SRCIN1: variants seen among roughly 807,000 people sequenced by gnomAD.
The protein encoded by SRCIN1 is P130Cas-associated protein.
Under a neutral mutation model 116.2 loss-of-function variants are expected in SRCIN1, and 50 were observed. That is an observed-to-expected ratio of 0.43 (90% CI 0.34 to 0.54). The LOEUF (loss-of-function observed/expected upper bound fraction) is 0.54. Among genes scored for constraint, SRCIN1 ranks in the 20% least tolerant of loss-of-function variants. SRCIN1 has a pLI of 0.02. For synonymous variants in SRCIN1, 736 were observed against 750.0 expected, an observed-to-expected ratio of 0.98 and a Z score of 0.30; for missense variants, 1,446 against 1,672.0, an observed-to-expected ratio of 0.86 and a Z score of 2.36.
chr17:38,552,980 C>T lies in SRCIN1; in HGVS notation c.2202-125G>A. On this transcript the variant is annotated intron_variant, in intron 11 of 18. Coordinates refer to ENST00000617146, the MANE Select transcript of SRCIN1 (RefSeq NM_025248.3). The surrounding 1 kb of genome is among the most constrained non-coding windows in gnomAD (Gnocchi z 5.3). ...TCGAAAGTAAAAGCAGGAGGCTGGG[C>T]ACCGTGGCTCACGCCCGTAATCTCA... 1.4e-6 allele frequency: 2 copies of T among 1,421,288 alleles called. No individual in the cohort carries two copies. The highest frequency in any genetic ancestry group is 2.8e-5 in the South Asian group (2 of 72,296). The allele number at this position is 1,421,288 out of a possible 1,614,324, so 88.0% of individuals were successfully genotyped here.
chr17:38,580,361 C>T lies in SRCIN1; in HGVS notation c.23-1570G>A, dbSNP rs957693554. 3.9e-5 allele frequency among the ~76,000 whole-genome samples: 6 copies of T among 152,198 alleles called. No homozygotes were observed. In the South Asian group the frequency reaches 6.2e-4, roughly 16 times the overall value. On this transcript the variant is annotated intron_variant, in intron 1 of 18. Coordinates refer to ENST00000617146, the MANE Select transcript of SRCIN1 (RefSeq NM_025248.3). The stretch of plus-strand genomic sequence containing the variant: ...GTGTCCATTAGGGGCACAGAGCCTG[C>T]GAGGACCCAGCACCTCCCACCGAAC...
rs1905963681 is a variant in SRCIN1 at position 38,558,445 on chromosome 17, A to G, written c.2026-43T>C. The G allele has an allele frequency of 1.3e-6, 2 of 1,544,488 alleles. No homozygotes were observed. Among genetic ancestry groups the G allele is most frequent in the Non-Finnish European group, 1.7e-6 (2 of 1,153,030 alleles). On this transcript the variant is annotated intron_variant, in intron 10 of 18. Transcript: ENST00000617146. This position sits in a 1 kb window ranked among gnomAD's most constrained non-coding sequence, Gnocchi z 4.6. ...GGATGGACCCGGGTGGGGGGAGCGG[A>G]GCCGCGAGGCAGGGGAAGGGCCGGG...
intron 1 of SRCIN1, among the ~76,000 whole-genome samples, chr17:38,590,469 C>T (rs1908381668): frequency 6.6e-6 from 1 of 152,240 alleles, no homozygotes; most frequent in South Asian, 2.1e-4. Flanking sequence ...CTCCTGACCT[C>T]AGGTGATCTG....
rs140943105 is a variant in SRCIN1 at position 38,575,099 on chromosome 17, T to C, written c.324+3391A>G. 711 of 398,182 alleles carry C rather than the reference T, an allele frequency of 1.8e-3. 5 individuals are homozygous for C. The highest frequency in any genetic ancestry group is 0.014 in the African/African-American group (676 of 48,720). The allele number at this position is 398,182 out of a possible 1,614,324, so 24.7% of individuals were successfully genotyped here. On this transcript the variant is annotated intron_variant, in intron 2 of 18. Transcript: ENST00000617146. ...GCACAGAGCTCATACTGCAGAGGGG[T>C]CTAGCGATGCTGGCAAGTCCCTTAT...
chr17:38,600,362 G>A (rs1052164451), intron 1 of SRCIN1, among the ~76,000 whole-genome samples: 4 of 152,220 alleles, frequency 2.6e-5, no homozygotes, highest in East Asian at 1.9e-4. Flanking sequence ...TTGGAGGTAC[G>A]GGCAGGACTA....
intron 1 of SRCIN1, among the ~76,000 whole-genome samples, chr17:38,583,385 A>G (rs924451386): frequency 5.3e-5 from 8 of 151,954 alleles, no homozygotes; most frequent in African/African-American, 1.9e-4. Flanking sequence ...AGCCTCATTA[A>G]TTTACTTACT....
chr17:38,559,692 C>G lies in SRCIN1; in HGVS notation c.1918G>C (p.Gly640Arg). 3 of 1,593,836 alleles carry G rather than the reference C, an allele frequency of 1.9e-6. No homozygotes were observed. Among genetic ancestry groups the G allele is most frequent in the Non-Finnish European group, 1.7e-6 (2 of 1,176,062 alleles). Residue 640 changes from glycine to arginine, a missense_variant, in exon 10 of 19, where the codon GGT becomes CGT. Physicochemically the swap from Gly to Arg is moderately radical, Grantham distance 125. Coordinates refer to ENST00000617146, the MANE Select transcript of SRCIN1 (RefSeq NM_025248.3). ...PPPSASSTPA[G>R]QPTAVSRLQM... is the part of the protein sequence containing the mutation. The stretch of plus-strand genomic sequence containing the variant: ...AGCCGGCTAACGGCGGTAGGCTGAC[C>G]TGCGGGGGTGCTGCTGGCCGAGGGC...
chr17:38,566,391 C>G (rs1404694367), intron 3 of SRCIN1, among the ~76,000 whole-genome samples: 2 of 152,214 alleles, frequency 1.3e-5, no homozygotes, highest in African/African-American at 4.8e-5. Flanking sequence ...TGGCACTTCT[C>G]TCCATGCTTG....
At chr17:38,584,935 G>T (rs919660263) in intron 1 of SRCIN1, among the ~76,000 whole-genome samples, 1 of 152,158 alleles carries the variant, frequency 6.6e-6, no homozygotes, top group Admixed American at 6.5e-5. Context: ...AGGGAGAAGA[G>T]AACTCTCTGG....
At position 38,562,321 on chromosome 17, in the gene SRCIN1, ATC is replaced by A. The variant is rs1248100996; in HGVS notation, c.840_841del (p.Glu280AspfsTer118). ...CGAGGACTCCCGCGATGCGTACACC[ATC>A]TCTCTCTGCGCAGAAGACAGCCCGG... is the stretch of plus-strand genomic sequence containing the variant. On this transcript the variant is annotated frameshift_variant, in exon 7 of 19. Transcript: ENST00000617146. LOFTEE classifies it high-confidence loss of function. This position sits in a 1 kb window ranked among gnomAD's most constrained non-coding sequence, Gnocchi z 4.2. The A allele has an allele frequency of 3.4e-6, 5 of 1,470,904 alleles. No homozygotes were observed. The highest frequency in any genetic ancestry group is 1.8e-6 in the Non-Finnish European group (2 of 1,120,044). The allele number at this position is 1,470,904 out of a possible 1,614,324, so 91.1% of individuals were successfully genotyped here.
At chr17:38,549,307 A>T in intron 15 of SRCIN1, 97 bp from the exon 16 acceptor site, 2 of 1,225,518 alleles carry the variant, frequency 1.6e-6, no homozygotes, top group Non-Finnish European at 2.2e-6. Flanking sequence ...TTCTTCCTCC[A>T]GGGAGGACCA....
Position 38,563,209 on chromosome 17 carries a change from G to C in SRCIN1, c.740+114C>G. On this transcript the variant is annotated intron_variant, in intron 5 of 18. Coordinates refer to ENST00000617146, the MANE Select transcript of SRCIN1 (RefSeq NM_025248.3). This position sits in a 1 kb window ranked among gnomAD's most constrained non-coding sequence, Gnocchi z 5.8. ...GGGCGGTAGGGCTCTGGGAGGGGAG[G>C]GGAAAGGCTGAGGTCGGGTCAGGAA... The C allele has an allele frequency of 1.6e-6, 2 of 1,228,592 alleles. No homozygotes were observed. Among genetic ancestry groups the C allele is most frequent in the Non-Finnish European group, 2.3e-6 (2 of 881,848 alleles). 76.1% of individuals were successfully genotyped at this position (1,228,592 alleles called of 1,614,324 possible).
At chr17:38,606,713 C>G (rs1357144950), upstream of SRCIN1, among the ~76,000 whole-genome samples, 1 of 152,194 alleles carries the variant, frequency 6.6e-6, no homozygotes, top group Non-Finnish European at 1.5e-5. The surrounding 1 kb of genome is among the most constrained non-coding windows in gnomAD (Gnocchi z 5.2). Flanking sequence ...TAGCTCGGCT[C>G]CACCCTGCCG....
At chr17:38,600,309 G>A (rs1458878819) in intron 1 of SRCIN1, among the ~76,000 whole-genome samples, 1 of 152,226 alleles carries the variant, frequency 6.6e-6, no homozygotes, top group Non-Finnish European at 1.5e-5. Flanking sequence ...CAAGGCATGC[G>A]AAGAGGCTCT....
chr17:38,543,095 T>A (rs1421623228), intron 18 of SRCIN1: 1 of 456,562 alleles, frequency 2.2e-6, no homozygotes, highest in East Asian at 7.0e-5. Flanking sequence ...ACAGGTGAGG[T>A]ATGTCCACTC....
At chr17:38,534,434 C>T (rs1452050375) in intron 18 of SRCIN1, among the ~76,000 whole-genome samples, 1 of 152,194 alleles carries the variant, frequency 6.6e-6, no homozygotes, top group Non-Finnish European at 1.5e-5. Flanking sequence ...GCTACACAGA[C>T]CCAGGTTTCT....
Position 38,588,181 on chromosome 17 carries a change from G to A in SRCIN1, c.23-9390C>T, listed in dbSNP as rs118125599. ...GAGTCAGTTTCTTCTGATCTACCCC[G>A]GAGCCCGATTTCCTTCCACCCACTG... On this transcript the variant is annotated intron_variant, in intron 1 of 18. Transcript: ENST00000617146. 9.2e-3 allele frequency among the ~76,000 whole-genome samples: 1,396 copies of A among 152,294 alleles called. 13 individuals carry two copies. The highest frequency in any genetic ancestry group is 0.012 in the Non-Finnish European group (840 of 68,028).
intron 8 of SRCIN1, 98 bp from the exon 9 acceptor site, chr17:38,560,195 T>TCGGAGAG: frequency 7.2e-7 from 1 of 1,398,276 alleles, no homozygotes; most frequent in Non-Finnish European, 9.7e-7. Flanking sequence ...AGCTCTCCGA[T>TCGGAGAG]CTCAGGATGG....
At chr17:38,591,957 CCT>C (rs1908464972) in intron 1 of SRCIN1, among the ~76,000 whole-genome samples, 1 of 152,236 alleles carries the variant, frequency 6.6e-6, no homozygotes, top group Non-Finnish European at 1.5e-5. Flanking sequence ...CCAGGATGCC[CCT>C]GTCTGGCAGC....
Sources: allele counts gnomAD v4.1 joint callset (sites outside exome capture counted in the v4.1 genomes callset), GRCh38; gene constraint gnomAD v4.1.1; non-coding constraint Gnocchi (gnomAD v3.1); transcripts MANE v1.5; gene names NCBI Gene and HGNC (gene_info 2026-07-23, HGNC 2026-07-21).